The following ALDH1A2 variants were observed in gnomAD, a reference collection of about 807,000 sequenced individuals.
ALDH1A2 encodes the protein aldehyde dehydrogenase 1 family member A2.
Under a neutral mutation model 60.3 loss-of-function variants are expected in ALDH1A2, and 27 were observed. The ratio of observed to expected loss-of-function variants is 0.45; its 90% CI spans 0.33 to 0.62. ALDH1A2 has a LOEUF of 0.62. Among genes scored for constraint, ALDH1A2 ranks in the 20% least tolerant of loss-of-function variants. ALDH1A2 has a pLI of 0.02. For synonymous variants in ALDH1A2, 289 were observed against 232.4 expected (o/e 1.24, Z -2.21); for missense variants, 581 against 643.8 (o/e 0.90, Z 1.06).
intron 1 of ALDH1A2, among the ~76,000 whole-genome samples, chr15:58,061,720 G>A (rs1897044612): frequency 6.6e-6 from 1 of 150,912 alleles, no homozygotes; most frequent in Non-Finnish European, 1.5e-5. Flanking sequence ...CAAGGCCAAT[G>A]TCTTTCTTAT....
intron 12 of ALDH1A2, among the ~76,000 whole-genome samples, chr15:57,956,642 T>C (rs1893535725): frequency 6.6e-6 from 1 of 152,336 alleles, no homozygotes; most frequent in African/African-American, 2.4e-5. Flanking sequence ...ACTCGTTGCA[T>C]GCTTCCCTCA....
At chr15:57,997,187 T>C (rs185045356) in intron 4 of ALDH1A2, among the ~76,000 whole-genome samples, 2 of 152,164 alleles carry the variant, frequency 1.3e-5, no homozygotes, top group African/African-American at 2.4e-5. Flanking sequence ...GAAGTCTGAG[T>C]AATACTTTAA....
rs1461034705 is a variant in ALDH1A2 at position 58,061,613 on chromosome 15, A to AC, written c.117+3920_117+3921insG. On this transcript the variant is annotated intron_variant, in intron 1 of 12. Transcript: ENST00000249750. ...CTTCCCTCAAAAAAAAAAAAAACAA[A>AC]AAAAAAAAAAAAACGGAACAAAACG... Among the ~76,000 whole-genome samples, 609 of 130,574 alleles carry AC rather than the reference A, an allele frequency of 4.7e-3. 10 individuals are homozygous for AC. The East Asian group carries it at 0.049, about 10-fold the overall frequency. The allele number at this position is 130,574 out of a possible 152,430, so 85.7% of individuals were successfully genotyped here. A position where few individuals can be genotyped will look rare whatever the true frequency, so the allele number is the denominator to read the frequency against.
intron 6 of ALDH1A2, 58 bp downstream of exon 6, chr15:57,992,887 C>CTAG (rs1485888596): frequency 3.2e-5 from 51 of 1,613,670 alleles, no homozygotes; most frequent in Non-Finnish European, 4.1e-5. Context: ...GAGATATGCT[C>CTAG]TAGTAGGCTC....
At chr15:57,992,595 ACTCACTGC>A (rs1368976028) in intron 7 of ALDH1A2, 102 bp downstream of exon 7, 32 of 972,218 alleles carry the variant, frequency 3.3e-5, no homozygotes, top group Non-Finnish European at 4.7e-5. Flanking sequence ...GGGCTTGGGT[ACTCACTGC>A]CCTTTTGGTG....
chr15:58,024,988 G>C (rs368619578), intron 1 of ALDH1A2, among the ~76,000 whole-genome samples: 2 of 152,020 alleles, frequency 1.3e-5, no homozygotes, highest in East Asian at 1.9e-4. Flanking sequence ...TGAAACAAAT[G>C]AAAAGAGAAA....
intron 1 of ALDH1A2, among the ~76,000 whole-genome samples, chr15:58,043,295 T>C (rs1199513296): frequency 1.3e-5 from 2 of 152,032 alleles, no homozygotes; most frequent in African/African-American, 4.8e-5. Context: ...AAAGCTACTA[T>C]CAATCTAATG....
intron 7 of ALDH1A2, among the ~76,000 whole-genome samples, chr15:57,982,518 G>A (rs746130095): frequency 7.2e-5 from 11 of 152,136 alleles, no homozygotes; most frequent in African/African-American, 2.7e-4. Context: ...TCTTTTAAGA[G>A]ACTCTAAGTA....
chr15:58,044,084 A>G (rs1448537547), intron 1 of ALDH1A2, among the ~76,000 whole-genome samples: 1 of 151,972 alleles, frequency 6.6e-6, no homozygotes, highest in Non-Finnish European at 1.5e-5. Flanking sequence ...GCTGATGTCT[A>G]TTTGAAAAGA....
intron 1 of ALDH1A2, among the ~76,000 whole-genome samples, chr15:58,047,913 T>C (rs576306808): frequency 6.6e-6 from 1 of 152,160 alleles, no homozygotes; most frequent in South Asian, 2.1e-4. Flanking sequence ...GTTTTGATAT[T>C]ATAGGGACAT....
At chr15:57,969,297 A>G (rs1191485004) in intron 7 of ALDH1A2, among the ~76,000 whole-genome samples, 2 of 152,196 alleles carry the variant, frequency 1.3e-5, no homozygotes, top group Admixed American at 1.3e-4. Flanking sequence ...TGTTCAATAA[A>G]TGTGGCTTTG....
Position 57,969,903 on chromosome 15 carries a change from G to A in ALDH1A2, c.799-4076C>T, listed in dbSNP as rs34593979. Among the ~76,000 whole-genome samples the A allele has an allele frequency of 6.1e-3, 926 of 152,302 alleles. 13 individuals are homozygous for A. The highest frequency in any genetic ancestry group is 0.02 in the African/African-American group (848 of 41,554). ...TTATGGACGACAGTTTGGCCCACAG[G>A]AGTCAGAAGACCTGGTACTACAAAC... On this transcript the variant is annotated intron_variant, in intron 7 of 12. Transcript: ENST00000249750.
intron 7 of ALDH1A2, among the ~76,000 whole-genome samples, chr15:57,968,392 G>C (rs1453483970): frequency 6.6e-6 from 1 of 152,196 alleles, no homozygotes; most frequent in Non-Finnish European, 1.5e-5. Context: ...GTTCATGACA[G>C]AACCTGTTGG....
intron 1 of ALDH1A2, among the ~76,000 whole-genome samples, chr15:58,051,357 CTTTT>C (rs869225000): frequency 7.5e-6 from 1 of 134,196 alleles, no homozygotes; most frequent in African/African-American, 2.6e-5. Flanking sequence ...TTAATTTTCT[CTTTT>C]TATTTATTTA....
At chr15:58,020,991 C>T (rs569624687) in intron 1 of ALDH1A2, among the ~76,000 whole-genome samples, 1 of 152,238 alleles carries the variant, frequency 6.6e-6, no homozygotes, top group African/African-American at 2.4e-5. Context: ...TGAAGTGATG[C>T]TCTTTATTAC....
intron 1 of ALDH1A2, among the ~76,000 whole-genome samples, chr15:58,021,389 T>C (rs892260480): frequency 2.6e-5 from 4 of 152,148 alleles, no homozygotes; most frequent in Non-Finnish European, 5.9e-5. Flanking sequence ...GGTTGCCTCT[T>C]GCATCCTCCC....
At chr15:58,009,756 T>G (rs1895571516) in intron 4 of ALDH1A2, among the ~76,000 whole-genome samples, 1 of 152,100 alleles carries the variant, frequency 6.6e-6, no homozygotes, top group Non-Finnish European at 1.5e-5. Context: ...GTTTTAGCTC[T>G]AAAACTTATT....
intron 1 of ALDH1A2, among the ~76,000 whole-genome samples, chr15:58,059,455 C>T (rs144487527): frequency 2.6e-5 from 4 of 152,224 alleles, no homozygotes; most frequent in East Asian, 3.9e-4. Context: ...AAAGTTTCTT[C>T]GTTTTTAAAT....
chr15:58,018,761 T>A (rs1178651756), intron 1 of ALDH1A2, among the ~76,000 whole-genome samples: 3 of 152,046 alleles, frequency 2.0e-5, no homozygotes, highest in African/African-American at 7.2e-5. Flanking sequence ...AATTCAAACA[T>A]GAGGATACAA....
Sources: gnomAD v4.1 joint callset for allele counts (sites outside exome capture counted in the v4.1 genomes callset) on GRCh38, gnomAD v4.1.1 for gene constraint, MANE v1.5 for transcripts, NCBI Gene and HGNC (gene_info 2026-07-23, HGNC 2026-07-21) for gene names.